Variants in EXOC4 observed in about 807,000 individuals in gnomAD.
EXOC4 encodes exocyst complex component 4.
In EXOC4, 71 loss-of-function variants were observed where a neutral mutation model predicts 107.2. The ratio of observed to expected loss-of-function variants is 0.66; its 90% CI spans 0.55 to 0.81. The LOEUF (loss-of-function observed/expected upper bound fraction) is 0.81. Ranked by LOEUF, EXOC4 falls within the 30% of genes least tolerant of loss-of-function variation. EXOC4 has a pLI of 0.00. For missense variants in EXOC4, 1,108 were observed against 1,189.6 expected, an observed-to-expected ratio of 0.93 and a Z score of 1.01; for synonymous variants, 456 against 441.2, an observed-to-expected ratio of 1.03 and a Z score of -0.42.
At chr7:133,809,570 G>T (rs1055749731) in intron 10 of EXOC4, among the ~76,000 whole-genome samples, 1 of 152,204 alleles carries the variant, frequency 6.6e-6, no homozygotes, top group African/African-American at 2.4e-5. Context: ...GAAATGATAT[G>T]TTGAGAGATC....
chr7:133,568,517 C>T (rs1800955037), intron 9 of EXOC4, among the ~76,000 whole-genome samples: 1 of 152,046 alleles, frequency 6.6e-6, no homozygotes, highest in Non-Finnish European at 1.5e-5. Context: ...ATTTGTTTGG[C>T]AATTATCTAG....
At chr7:133,660,520 G>A (rs1803415231) in intron 10 of EXOC4, among the ~76,000 whole-genome samples, 1 of 152,112 alleles carries the variant, frequency 6.6e-6, no homozygotes, top group African/African-American at 2.4e-5. Flanking sequence ...AGCACAACGT[G>A]TCTTGTTTTT....
intron 10 of EXOC4, among the ~76,000 whole-genome samples, chr7:133,758,407 G>A (rs1795962670): frequency 6.6e-6 from 1 of 152,180 alleles, no homozygotes; most frequent in African/African-American, 2.4e-5. Context: ...CCAAAGTGCT[G>A]GGATTACAGG....
At chr7:133,464,735 GTTAGTTAA>G (rs548285863) in intron 7 of EXOC4, among the ~76,000 whole-genome samples, 202 of 144,066 alleles carry the variant, frequency 1.4e-3, no homozygotes, top group African/African-American at 5.1e-3. Context: ...GTAAAATTGT[GTTAGTTAA>G]TTAGTTAATT....
chr7:134,051,526 G>T (rs938556622), intron 17 of EXOC4, among the ~76,000 whole-genome samples: 1 of 151,910 alleles, frequency 6.6e-6, no homozygotes, highest in Non-Finnish European at 1.5e-5. Flanking sequence ...CAAAAAATTA[G>T]CTGGGTGTGG....
intron 10 of EXOC4, among the ~76,000 whole-genome samples, chr7:133,759,451 T>A (rs929797067): frequency 2.0e-5 from 3 of 152,220 alleles, no homozygotes; most frequent in Non-Finnish European, 4.4e-5. Context: ...CAGGCACAGA[T>A]CTACAGTGGC....
intron 11 of EXOC4, among the ~76,000 whole-genome samples, chr7:133,828,956 G>A (rs1389008168): frequency 2.6e-5 from 4 of 152,160 alleles, no homozygotes; most frequent in Non-Finnish European, 5.9e-5. Context: ...ATTGAGTACT[G>A]AATGTGATGG....
At chr7:134,091,393 G>A in the EXOC4 span, among the ~76,000 whole-genome samples, 1 of 152,212 alleles carries the variant, frequency 6.6e-6, no homozygotes, top group Non-Finnish European at 1.5e-5. Flanking sequence ...GAGTGTAGCA[G>A]TGAGAATGAC....
At chr7:133,552,418 A>G (rs971043278) in intron 9 of EXOC4, among the ~76,000 whole-genome samples, 15 of 152,210 alleles carry the variant, frequency 9.9e-5, no homozygotes, top group African/African-American at 3.1e-4. Context: ...CTACTTGTCT[A>G]CAGTCTAGCA....
At chr7:133,391,423 C>T (rs112279759) in intron 7 of EXOC4, among the ~76,000 whole-genome samples, 24 of 152,324 alleles carry the variant, frequency 1.6e-4, no homozygotes, top group Admixed American at 6.5e-4. Context: ...ATCTCGTCAC[C>T]GAGCTGGGCT....
intron 10 of EXOC4, among the ~76,000 whole-genome samples, chr7:133,635,020 A>T (rs1214052451): frequency 6.6e-6 from 1 of 152,090 alleles, no homozygotes; most frequent in African/African-American, 2.4e-5. Context: ...AATTTATGTT[A>T]TGGGCCTTGA....
intron 10 of EXOC4, among the ~76,000 whole-genome samples, chr7:133,699,331 A>G (rs1035824505): frequency 6.6e-6 from 1 of 152,060 alleles, no homozygotes; most frequent in Non-Finnish European, 1.5e-5. Flanking sequence ...TTTTAAGTGT[A>G]TGTCTTATCA....
intron 10 of EXOC4, among the ~76,000 whole-genome samples, chr7:133,725,433 T>C (rs1404630223): frequency 6.6e-6 from 1 of 152,212 alleles, no homozygotes; most frequent in African/African-American, 2.4e-5. Flanking sequence ...TGGAGTACAA[T>C]GGCGCGATCT....
intron 11 of EXOC4, among the ~76,000 whole-genome samples, chr7:133,850,894 G>T (rs1036976700): frequency 6.6e-6 from 1 of 152,032 alleles, no homozygotes; most frequent in African/African-American, 2.4e-5. Flanking sequence ...TTTCTTTTCT[G>T]CAAGATGACT....
chr7:133,796,545 G>A (rs1364071319), intron 10 of EXOC4, among the ~76,000 whole-genome samples: 2 of 152,104 alleles, frequency 1.3e-5, no homozygotes, highest in African/African-American at 4.8e-5. Flanking sequence ...GGATCACAAG[G>A]TCAAGAGATC....
intron 17 of EXOC4, among the ~76,000 whole-genome samples, chr7:134,039,439 A>T (rs528799312): frequency 5.4e-4 from 83 of 152,332 alleles, no homozygotes; most frequent in Non-Finnish European, 1.0e-3. Flanking sequence ...TTCTAAATCC[A>T]TTCTCTTTGG....
rs562032554 is a variant in EXOC4, at chr7:133,929,377, T to G, written c.2028-8514T>G. ...ATTCCTTTGGTTTAGAATTGTTATTTGTTTTAAAAACAATTCTCCACACAT... is the reference window on the plus strand; with the variant it reads ...ATTCCTTTGGTTTAGAATTGTTATTGGTTTTAAAAACAATTCTCCACACAT... On this transcript the variant is annotated intron_variant, in intron 13 of 17. Transcript: ENST00000253861. 6.6e-4 allele frequency among the ~76,000 whole-genome samples: 100 copies of G among 152,260 alleles called. 2 individuals carry two copies. The East Asian group carries it at 0.018, about 28-fold the overall frequency.
At chr7:133,348,379 G>A (rs2150640675) in intron 5 of EXOC4, among the ~76,000 whole-genome samples, 2 of 152,264 alleles carry the variant, frequency 1.3e-5, no homozygotes, top group Middle Eastern at 3.4e-3. Context: ...CTTATTTGTT[G>A]TTCTTTAATG....
At chr7:133,784,467 G>A (rs972719387) in intron 10 of EXOC4, among the ~76,000 whole-genome samples, 15 of 151,996 alleles carry the variant, frequency 9.9e-5, no homozygotes, top group African/African-American at 3.6e-4. Flanking sequence ...CAGTATTCAG[G>A]GGATAGAGCA....
Sources: gnomAD v4.1 joint callset for allele counts (sites outside exome capture counted in the v4.1 genomes callset) on GRCh38, gnomAD v4.1.1 for gene constraint, MANE v1.5 for transcripts, NCBI Gene and HGNC (gene_info 2026-07-23, HGNC 2026-07-21) for gene names.